Variants in CTSZ observed in about 807,000 individuals in gnomAD.
CTSZ encodes carboxypeptidase LB.
A neutral mutation model predicts 32.4 loss-of-function variants in CTSZ; 39 were observed. That is an observed-to-expected ratio of 1.20 (90% CI 0.93 to 1.57). CTSZ has a LOEUF of 1.57. Among genes scored for constraint, CTSZ ranks in the 40% most tolerant of loss-of-function variants. The pLI, the probability that CTSZ is intolerant of heterozygous loss-of-function variation, is 0.00. For synonymous variants in CTSZ, 168 were observed against 170.1 expected, an observed-to-expected ratio of 0.99 and a Z score of 0.10; for missense variants, 397 against 419.6, an observed-to-expected ratio of 0.95 and a Z score of 0.47.
rs959975035 is a variant in CTSZ at position 59,002,009 on chromosome 20, G to A, written c.308-365C>T. ...ACAGAGACTCAGCCACCCATGGCAAGTGGGCCACACCCCAAAGCCAGCCAG... is the reference window on the plus strand; with the variant it reads ...ACAGAGACTCAGCCACCCATGGCAAATGGGCCACACCCCAAAGCCAGCCAG... On this transcript the variant is annotated intron_variant, in intron 2 of 5. Transcript: ENST00000217131. The surrounding 1 kb of genome is among the most constrained non-coding windows in gnomAD (Gnocchi z 4.1). 3.9e-5 allele frequency among the ~76,000 whole-genome samples: 6 copies of A among 152,280 alleles called. No homozygotes were observed. The highest frequency in any genetic ancestry group is 1.4e-4 in the African/African-American group (6 of 41,480).
At chr20:59,005,710 T>C (rs2091906233) in intron 2 of CTSZ, among the ~76,000 whole-genome samples, 2 of 152,200 alleles carry the variant, frequency 1.3e-5, no homozygotes, top group Non-Finnish European at 2.9e-5. Context: ...TTCCAAATGC[T>C]GTGGGGTGGG....
rs779368114 is a variant in CTSZ at position 58,997,589 on chromosome 20, G to T, written c.638+14C>A. The T allele has an allele frequency of 1.8e-5, 28 of 1,540,016 alleles. No homozygotes were observed. Among genetic ancestry groups the T allele is most frequent in the Non-Finnish European group, 2.4e-5 (27 of 1,138,592 alleles). On this transcript the variant is annotated intron_variant, in intron 4 of 5. Coordinates refer to ENST00000217131, the MANE Select transcript of CTSZ (RefSeq NM_001336.4). Reference sequence around the variant, plus strand: ...ACCCGCAAACCTCTCTTTGCCCGCGGGACCTCTCCTCACCTGATGGGACCA... The same window carrying T: ...ACCCGCAAACCTCTCTTTGCCCGCGTGACCTCTCCTCACCTGATGGGACCA...
At position 59,004,962 on chromosome 20, in the gene CTSZ, T is replaced by G. The variant is rs532723090; in HGVS notation, c.307+1360A>C. ...ACAGACGCACATCTTGTCACCTGACTCCCTCTCAAAGAGTTCAAGGCTTCC... is the reference window on the plus strand; with the variant it reads ...ACAGACGCACATCTTGTCACCTGACGCCCTCTCAAAGAGTTCAAGGCTTCC... On this transcript the variant is annotated intron_variant, in intron 2 of 5. Transcript: ENST00000217131. This position sits in a 1 kb window ranked among gnomAD's most constrained non-coding sequence, Gnocchi z 5.6. Among the ~76,000 whole-genome samples, 52 of 152,220 alleles carry G rather than the reference T, an allele frequency of 3.4e-4. No individual in the cohort carries two copies. The highest frequency in any genetic ancestry group is 2.9e-3 in the Admixed American group (44 of 15,294).
intron 5 of CTSZ, among the ~76,000 whole-genome samples, chr20:58,996,156 C>A (rs2091858724): frequency 6.6e-6 from 1 of 152,220 alleles, no homozygotes; most frequent in Non-Finnish European, 1.5e-5. Context: ...TTATTAATGG[C>A]TAAGACTAGG....
intron 3 of CTSZ, among the ~76,000 whole-genome samples, chr20:59,000,330 A>G (rs2091883715): frequency 6.6e-6 from 1 of 152,254 alleles, no homozygotes; most frequent in Non-Finnish European, 1.5e-5. Context: ...GTGAGCAGAG[A>G]TCGTGCCATT....
At chr20:59,005,134 C>T (rs993632686) in intron 2 of CTSZ, among the ~76,000 whole-genome samples, 8 of 152,248 alleles carry the variant, frequency 5.3e-5, no homozygotes, top group African/African-American at 1.9e-4. Flanking sequence ...CACCCTGCAG[C>T]CCGCCCAAGG....
intron 5 of CTSZ, among the ~76,000 whole-genome samples, chr20:58,996,224 A>G (rs999033816): frequency 6.6e-6 from 1 of 152,112 alleles, no homozygotes; most frequent in African/African-American, 2.4e-5. Flanking sequence ...TTTTTGAAAA[A>G]CCGACACAGT....
At chr20:58,995,903 A>C in intron 5 of CTSZ, 144 bp from the exon 6 acceptor site, 1 of 645,218 alleles carries the variant, frequency 1.5e-6, no homozygotes, top group Non-Finnish European at 2.7e-6. Context: ...GCTGCCCCTC[A>C]GCTTTCCCAT....
rs1189627260 is a variant in CTSZ at position 59,001,640 on chromosome 20, C to A, written c.312G>T (p.Arg104=). 3.1e-6 allele frequency: 5 copies of A among 1,613,328 alleles called. No homozygotes were observed. The highest frequency in any genetic ancestry group is 4.2e-6 in the Non-Finnish European group (5 of 1,179,512). Residue 104 remains arginine, a synonymous_variant, in exon 3 of 6, where the codon CGG becomes CGT. Coordinates refer to ENST00000217131, the MANE Select transcript of CTSZ (RefSeq NM_001336.4). ...AHASTSAMAD[R]INIKRKGAWP... is the part of the protein sequence containing the mutation. The stretch of plus-strand genomic sequence containing the variant: ...ACGCTCCCTTCCTCTTGATGTTGAT[C>A]CGATCTGCAACAGTCAGCACCTGCC...
At chr20:58,998,798 G>C (rs560979153) in intron 3 of CTSZ, among the ~76,000 whole-genome samples, 3 of 152,198 alleles carry the variant, frequency 2.0e-5, no homozygotes, top group Non-Finnish European at 1.5e-5. Flanking sequence ...CCATCCACAC[G>C]GCGGCCCTCG....
Position 59,004,927 on chromosome 20 carries a change from G to A in CTSZ, c.307+1395C>T, listed in dbSNP as rs1033964629. Among the ~76,000 whole-genome samples, 1 of 152,064 alleles carries A rather than the reference G, an allele frequency of 6.6e-6. No individual in the cohort carries two copies. Among genetic ancestry groups the A allele is most frequent in the Non-Finnish European group, 1.5e-5 (1 of 68,002 alleles). Reference sequence around the variant, plus strand: ...TCTGAAAGCCATCTCCTTTCTACCCGCAGTCCTTCACAGACGCACATCTTG... The same window carrying A: ...TCTGAAAGCCATCTCCTTTCTACCCACAGTCCTTCACAGACGCACATCTTG... On this transcript the variant is annotated intron_variant, in intron 2 of 5. Transcript: ENST00000217131. The surrounding 1 kb of genome is among the most constrained non-coding windows in gnomAD (Gnocchi z 5.6).
At position 59,001,678 on chromosome 20, in the gene CTSZ, C is replaced by T. The variant is rs772460740; in HGVS notation, c.308-34G>A. 6.9e-6 allele frequency: 11 copies of T among 1,598,638 alleles called. No individual in the cohort carries two copies. The East Asian group carries it at 2.0e-4, about 29-fold the overall frequency. ...GTCAGCACCTGCCAGTCAGCACTCA[C>T]CCACTCTCCACCCACTTCCCCGAAC... is the stretch of plus-strand genomic sequence containing the variant. On this transcript the variant is annotated intron_variant, in intron 2 of 5. Transcript: ENST00000217131.
intron 3 of CTSZ, among the ~76,000 whole-genome samples, chr20:59,000,815 G>T (rs1472228160): frequency 6.6e-6 from 1 of 150,970 alleles, no homozygotes; most frequent in Non-Finnish European, 1.5e-5. Context: ...GGAGACATGG[G>T]GACAGGGCCG....
In CTSZ at chr20:58,996,597, T is replaced by A. The variant is rs779572666; in HGVS notation, c.801+42A>T. ...TTCAAGCGAGAGGAGTACCAGGACGTTTTTTTCTAGGAATGACCTTAAGAA... is the reference window on the plus strand; with the variant it reads ...TTCAAGCGAGAGGAGTACCAGGACGATTTTTTCTAGGAATGACCTTAAGAA... On this transcript the variant is annotated intron_variant, in intron 5 of 5. Transcript: ENST00000217131. 5 of 1,609,180 alleles carry A rather than the reference T, an allele frequency of 3.1e-6. No homozygotes were observed. The African/African-American group carries it at 4.0e-5, about 13-fold the overall frequency.
In CTSZ at chr20:58,997,161, CAAAAAAAAAAAA is replaced by C. The variant is rs10582096; in HGVS notation, c.639-372_639-361del. On this transcript the variant is annotated intron_variant, in intron 4 of 5. Coordinates refer to ENST00000217131, the MANE Select transcript of CTSZ (RefSeq NM_001336.4). Reference sequence around the variant, plus strand: ...TGGGTGACAGAGTGAGACTGTGTTTCAAAAAAAAAAAAAAAAAAAAAAATCTGGTATGACAAC... The same window carrying C: ...TGGGTGACAGAGTGAGACTGTGTTTCAAAAAAAAAAATCTGGTATGACAAC... 6.6e-5 allele frequency among the ~76,000 whole-genome samples: 7 copies of C among 105,398 alleles called. No individual in the cohort carries two copies. The South Asian group carries it at 1.6e-3, about 24-fold the overall frequency. The allele number at this position is 105,398 out of a possible 152,430, so 69.1% of individuals were successfully genotyped here.
Position 58,995,398 on chromosome 20 carries a change from T to G in CTSZ, c.*251A>C. Reference sequence around the variant, plus strand: ...AAGACTGAGGTCCCATCGTTTCCTGTGTCGCAGGTCACTTCTTCACCAGGT... The same window carrying G: ...AAGACTGAGGTCCCATCGTTTCCTGGGTCGCAGGTCACTTCTTCACCAGGT... On this transcript the variant is annotated 3_prime_UTR_variant, in exon 6 of 6. Transcript: ENST00000217131. 1 of 428,236 alleles carries G rather than the reference T, an allele frequency of 2.3e-6. No individual in the cohort carries two copies. The highest frequency in any genetic ancestry group is 4.1e-6 in the Non-Finnish European group (1 of 241,570). 26.5% of individuals were successfully genotyped at this position (428,236 alleles called of 1,614,324 possible).
In CTSZ at chr20:58,995,494, A is replaced by G. The variant is rs2091853347; in HGVS notation, c.*155T>C. 9.6e-6 allele frequency: 6 copies of G among 623,944 alleles called. No homozygotes were observed. The highest frequency in any genetic ancestry group is 3.3e-4 in the Middle Eastern group (1 of 3,048). The allele number at this position is 623,944 out of a possible 1,614,324, so 38.7% of individuals were successfully genotyped here. A position where few individuals can be genotyped will look rare whatever the true frequency, so the allele number is the denominator to read the frequency against. ...ATAAGTCATCCCACTTTCAACTCTC[A>G]GGAACACTCGCAGCCAGTGCCACGC... On this transcript the variant is annotated 3_prime_UTR_variant, in exon 6 of 6. Transcript: ENST00000217131.
At chr20:58,997,829 C>G in intron 3 of CTSZ, 76 bp from the exon 4 acceptor site, 2 of 1,344,934 alleles carry the variant, frequency 1.5e-6, no homozygotes, top group South Asian at 3.0e-5. Flanking sequence ...GCCAAGCCCA[C>G]TCTCCACTCT....
At chr20:59,001,359 G>T in intron 3 of CTSZ, 106 bp downstream of exon 3, 1 of 1,311,888 alleles carries the variant, frequency 7.6e-7, no homozygotes, top group Non-Finnish European at 1.0e-6. Flanking sequence ...CCAGCCACCA[G>T]CCAATGTGAG....
Sources: allele counts gnomAD v4.1 joint callset (sites outside exome capture counted in the v4.1 genomes callset), GRCh38; gene constraint gnomAD v4.1.1; non-coding constraint Gnocchi (gnomAD v3.1); transcripts MANE v1.5; gene names NCBI Gene and HGNC (gene_info 2026-07-23, HGNC 2026-07-21).